Variants in LNPEP observed in about 807,000 individuals in gnomAD.
LNPEP encodes the protein leucyl-cystinyl aminopeptidase.
A neutral mutation model predicts 120.6 loss-of-function variants in LNPEP; 64 were observed. That is an observed-to-expected ratio of 0.53 (90% confidence interval 0.43 to 0.65). The LOEUF is 0.65. Ranked by LOEUF, LNPEP falls within the 30% of genes least tolerant of loss-of-function variation. The probability of loss-of-function intolerance (pLI) is 0.00; values close to 1 mark genes in which losing one functional copy is unlikely to be tolerated. For missense variants in LNPEP, 1,057 were observed against 1,200.0 expected, an observed-to-expected ratio of 0.88 and a Z score of 1.76; for synonymous variants, 435 against 425.4, an observed-to-expected ratio of 1.02 and a Z score of -0.28.
chr5:96,946,653 A>G (rs1279329584), intron 1 of LNPEP, among the ~76,000 whole-genome samples: 1 of 152,210 alleles, frequency 6.6e-6, no homozygotes, highest in African/African-American at 2.4e-5. Context: ...TCCATAACTA[A>G]TTTTTTAAGT....
At chr5:97,006,964 A>G (rs1790802975) in intron 11 of LNPEP, among the ~76,000 whole-genome samples, 1 of 152,174 alleles carries the variant, frequency 6.6e-6, no homozygotes, top group African/African-American at 2.4e-5. Flanking sequence ...CCCTGCAGAC[A>G]TAGTATATGT....
At chr5:96,960,955 T>C (rs1789592736) in intron 1 of LNPEP, among the ~76,000 whole-genome samples, 1 of 152,174 alleles carries the variant, frequency 6.6e-6, no homozygotes, top group Non-Finnish European at 1.5e-5. Context: ...TCTTCAACCA[T>C]CAGCTTATCT....
At chr5:96,980,715 G>A (rs528012669) in intron 2 of LNPEP, among the ~76,000 whole-genome samples, 3 of 152,172 alleles carry the variant, frequency 2.0e-5, no homozygotes, top group Non-Finnish European at 4.4e-5. Flanking sequence ...AAATCCTCAC[G>A]ACATCTGCTT....
rs1231674074 is a variant in LNPEP at position 96,954,759 on chromosome 5, T to TACAC, written c.19+18586_19+18587insCACA. Among the ~76,000 whole-genome samples, 2 of 46,448 alleles carry TACAC rather than the reference T, an allele frequency of 4.3e-5. 1 individual carries two copies. The highest frequency in any genetic ancestry group is 1.1e-3 in the South Asian group (2 of 1,870). 30.5% of individuals were successfully genotyped at this position (46,448 alleles called of 152,430 possible). On this transcript the variant is annotated intron_variant, in intron 1 of 17. Transcript: ENST00000231368. ...ACATATATATATACACATATATATA[T>TACAC]ATATATATATATATTTTTTTTTTTT...
chr5:96,987,559 A>G (rs969430495), intron 4 of LNPEP, among the ~76,000 whole-genome samples: 1 of 152,194 alleles, frequency 6.6e-6, no homozygotes, highest in East Asian at 1.9e-4. Context: ...TATGTTTCCT[A>G]TTAGAAAAGA....
intron 11 of LNPEP, chr5:97,010,450 G>A: frequency 1.0e-6 from 1 of 985,214 alleles, no homozygotes; most frequent in Non-Finnish European, 1.2e-6. Flanking sequence ...TAATAAAGGA[G>A]AAAGAAAGGG....
At chr5:96,968,946 C>T (rs1464547842) in intron 1 of LNPEP, among the ~76,000 whole-genome samples, 1 of 152,030 alleles carries the variant, frequency 6.6e-6, no homozygotes, top group Non-Finnish European at 1.5e-5. Flanking sequence ...TGTTTATATA[C>T]AGGGCCACTG....
Position 97,018,252 on chromosome 5 carries a change from G to A in LNPEP, c.2376+3157G>A, listed in dbSNP as rs76353942. ...CCTGTGAGGAGGCAGAATATCTCCC[G>A]ACTCTGAAGCTGCCCAGTTAAACTT... On this transcript the variant is annotated intron_variant, in intron 13 of 17. Coordinates refer to ENST00000231368, the MANE Select transcript of LNPEP (RefSeq NM_005575.3). 3.1e-3 allele frequency among the ~76,000 whole-genome samples: 471 copies of A among 152,068 alleles called. 4 individuals carry two copies. The highest frequency in any genetic ancestry group is 0.011 in the African/African-American group (459 of 41,478).
intron 4 of LNPEP, among the ~76,000 whole-genome samples, chr5:96,986,917 A>G (rs573141159): frequency 2.0e-5 from 3 of 152,310 alleles, no homozygotes; most frequent in South Asian, 4.1e-4. Context: ...GTAAGACACT[A>G]TATGTATACT....
At chr5:96,945,005 C>T (rs561290928) in intron 1 of LNPEP, among the ~76,000 whole-genome samples, 7 of 152,160 alleles carry the variant, frequency 4.6e-5, no homozygotes, top group Admixed American at 3.9e-4. Context: ...AATATGTAGA[C>T]GAAGCCTCCA....
chr5:96,951,935 A>G (rs1259209243), intron 1 of LNPEP, among the ~76,000 whole-genome samples: 1 of 152,104 alleles, frequency 6.6e-6, no homozygotes, highest in African/African-American at 2.4e-5. Flanking sequence ...AGAGTTTGGG[A>G]GTAGTTTATC....
chr5:97,022,387 G>A lies in LNPEP; in HGVS notation c.2464G>A (p.Ala822Thr). 7 of 1,613,920 alleles carry A rather than the reference G, an allele frequency of 4.3e-6. No individual in the cohort carries two copies. The highest frequency in any genetic ancestry group is 5.1e-6 in the Non-Finnish European group (6 of 1,179,834). Reference protein sequence around the residue: ...GTPSMRELRSALLEFACTHNL... With the variant: ...GTPSMRELRSTLLEFACTHNL... The stretch of plus-strand genomic sequence containing the variant: ...TCCATCTATGCGAGAGCTTCGGTCA[G>A]CCCTGCTAGAGTTTGCTTGCACCCA... Residue 822 changes from alanine (A) to threonine (T), a missense_variant, in exon 14 of 18, where the codon GCC becomes ACC. Physicochemically the swap from Ala to Thr is moderately conservative, Grantham distance 58 (BLOSUM62 0). Coordinates refer to ENST00000231368, the MANE Select transcript of LNPEP (RefSeq NM_005575.3).
Position 97,015,039 on chromosome 5 carries a change from C to T in LNPEP, c.2320C>T (p.Leu774Phe). ...PITEALFQTDLIYNLLEKLGY... is the reference protein window; with the variant it reads ...PITEALFQTDFIYNLLEKLGY... The stretch of plus-strand genomic sequence containing the variant: ...CACCGAAGCCCTGTTTCAGACAGAC[C>T]TCATCTATAACCTCCTTGAAAAACT... Residue 774 changes from leucine to phenylalanine, a missense_variant, in exon 13 of 18, where the codon CTC (leucine) becomes TTC (phenylalanine). Transcript: ENST00000231368. 1 of 1,601,674 alleles carries T rather than the reference C, an allele frequency of 6.2e-7. No homozygotes were observed. The highest frequency in any genetic ancestry group is 8.5e-7 in the Non-Finnish European group (1 of 1,174,238).
At chr5:97,024,883 G>T (rs958846788) in intron 15 of LNPEP, among the ~76,000 whole-genome samples, 12 of 152,088 alleles carry the variant, frequency 7.9e-5, no homozygotes, top group African/African-American at 2.9e-4. Context: ...GCCCAAAAGG[G>T]ATTACAAGAT....
intron 1 of LNPEP, among the ~76,000 whole-genome samples, chr5:96,941,650 C>G (rs1789058843): frequency 6.6e-6 from 1 of 151,998 alleles, no homozygotes; most frequent in African/African-American, 2.4e-5. Context: ...GAGAGTGTTG[C>G]TTATTGCCTT....
Position 97,031,027 on chromosome 5 carries a change from CA to C in LNPEP, c.*2495del, listed in dbSNP as rs2112681089. Reference sequence around the variant, plus strand: ...TATCTTCTCAAAACATTGTCTTAGCCAGTGTATTTCTGAGAACTCAGACTGA... The same window carrying C: ...TATCTTCTCAAAACATTGTCTTAGCCGTGTATTTCTGAGAACTCAGACTGA... On this transcript the variant is annotated 3_prime_UTR_variant, in exon 18 of 18. Coordinates refer to ENST00000231368, the MANE Select transcript of LNPEP (RefSeq NM_005575.3). 6.6e-6 allele frequency: 1 copy of C among 151,962 alleles called. No individual in the cohort carries two copies. Among genetic ancestry groups the C allele is most frequent in the African/African-American group, 2.4e-5 (1 of 41,440 alleles). The allele number at this position is 151,962 out of a possible 1,614,324, so 9.4% of individuals were successfully genotyped here. A position where few individuals can be genotyped will look rare whatever the true frequency, so the allele number is the denominator to read the frequency against.
intron 1 of LNPEP, among the ~76,000 whole-genome samples, chr5:96,947,549 A>G (rs766208474): frequency 6.6e-6 from 1 of 152,068 alleles, no homozygotes; most frequent in Non-Finnish European, 1.5e-5. Context: ...GGAGTATTGT[A>G]TTGTACTTGG....
rs1028072937 is a variant in LNPEP, at chr5:97,002,445, G to T, written c.1654-970G>T. On this transcript the variant is annotated intron_variant, in intron 8 of 17. Transcript: ENST00000231368. ...GTGATGCAGAAGAGAAAGGACTGTT[G>T]GGGACAACAGTGAGTACTTAAATTT... Among the ~76,000 whole-genome samples the T allele has an allele frequency of 2.6e-5, 4 of 152,158 alleles. 1 individual carries two copies. Among genetic ancestry groups the T allele is most frequent in the African/African-American group, 9.7e-5 (4 of 41,434 alleles).
At chr5:96,954,598 GTC>G (rs66769873) in intron 1 of LNPEP, among the ~76,000 whole-genome samples, 3,123 of 106,046 alleles carry the variant, frequency 0.029, 347 homozygotes, top group Non-Finnish European at 0.037. Flanking sequence ...ATTCTTGCAA[GTC>G]TCTCTCTCTC....
Sources: allele counts gnomAD v4.1 joint callset (sites outside exome capture counted in the v4.1 genomes callset), GRCh38; gene constraint gnomAD v4.1.1; transcripts MANE v1.5; gene names NCBI Gene and HGNC (gene_info 2026-07-23, HGNC 2026-07-21).